Variants in HECW1 observed in about 807,000 individuals in gnomAD.
The protein encoded by HECW1 is E3 ubiquitin-protein ligase HECW1.
A neutral mutation model predicts 182.3 loss-of-function variants in HECW1; 61 were observed. That is an observed-to-expected ratio of 0.33 (90% CI 0.27 to 0.41). The LOEUF (loss-of-function observed/expected upper bound fraction) is 0.41, where lower values mean the gene tolerates loss of function less well. Among genes scored for constraint, HECW1 ranks in the 10% least tolerant of loss-of-function variants. The probability of loss-of-function intolerance (pLI) is 1.00; values close to 1 mark genes in which losing one functional copy is unlikely to be tolerated. For missense variants in HECW1, 1,739 were observed against 2,108.9 expected, an observed-to-expected ratio of 0.82 and a Z score of 3.44; for synonymous variants, 859 against 832.6, an observed-to-expected ratio of 1.03 and a Z score of -0.55.
intron 8 of HECW1, among the ~76,000 whole-genome samples, chr7:43,410,810 T>C (rs2075776173): frequency 6.6e-6 from 1 of 152,188 alleles, no homozygotes; most frequent in Admixed American, 6.5e-5. Flanking sequence ...CAAAGTATTG[T>C]TTTATTGTCT....
At chr7:43,120,772 T>G (rs989738867) in intron 2 of HECW1, among the ~76,000 whole-genome samples, 1 of 152,106 alleles carries the variant, frequency 6.6e-6, no homozygotes, top group African/African-American at 2.4e-5. Flanking sequence ...GCCTCCTGAG[T>G]AGCTGGGACT....
chr7:43,218,998 A>G (rs1346118765), intron 2 of HECW1, among the ~76,000 whole-genome samples: 3 of 152,168 alleles, frequency 2.0e-5, no homozygotes, highest in African/African-American at 7.2e-5. Context: ...GTATATAAAC[A>G]GGCTGGAGGA....
At chr7:43,394,800 G>C (rs2075168729) in intron 6 of HECW1, among the ~76,000 whole-genome samples, 1 of 152,190 alleles carries the variant, frequency 6.6e-6, no homozygotes. Context: ...AATTCATGCA[G>C]AGCCGGCTGT....
At chr7:43,456,513 C>T in intron 13 of HECW1, 66 bp downstream of exon 13, 2 of 1,499,450 alleles carry the variant, frequency 1.3e-6, no homozygotes, top group Non-Finnish European at 1.8e-6. Context: ...GCTAGAGACG[C>T]TCCCCTTACA....
At chr7:43,144,906 C>G (rs1260154916) in intron 2 of HECW1, among the ~76,000 whole-genome samples, 1 of 152,160 alleles carries the variant, frequency 6.6e-6, no homozygotes, top group Non-Finnish European at 1.5e-5. Flanking sequence ...ATCTATCAAC[C>G]TTTTACATTC....
chr7:43,396,102 CA>C (rs1376094453), intron 6 of HECW1, among the ~76,000 whole-genome samples: 6 of 152,160 alleles, frequency 3.9e-5, no homozygotes, highest in African/African-American at 1.4e-4. Flanking sequence ...TTCAAATACT[CA>C]AAATCATTTC....
At chr7:43,479,462 G>T in intron 16 of HECW1, 148 bp from the exon 17 acceptor site, 1 of 962,436 alleles carries the variant, frequency 1.0e-6, no homozygotes, top group South Asian at 1.6e-5. Context: ...GATGAGTTTT[G>T]AGTAGATTAA....
intron 21 of HECW1, 137 bp from the exon 22 acceptor site, chr7:43,507,000 G>A: frequency 2.0e-6 from 2 of 1,009,474 alleles, no homozygotes; most frequent in East Asian, 6.3e-5. Context: ...AACCCAGGAG[G>A]TGGAAGTTGC....
chr7:43,330,297 G>A (rs927430038), intron 5 of HECW1, among the ~76,000 whole-genome samples: 6 of 152,316 alleles, frequency 3.9e-5, no homozygotes, highest in East Asian at 1.9e-4. Context: ...AGCTGTGTTC[G>A]GGGCTGTGTG....
intron 5 of HECW1, among the ~76,000 whole-genome samples, chr7:43,337,861 G>C (rs1326288750): frequency 6.6e-6 from 1 of 152,176 alleles, no homozygotes; most frequent in East Asian, 1.9e-4. Context: ...TGCATTTGCA[G>C]TGTCAGGGGC....
At chr7:43,534,605 T>A (rs1191168934) in intron 24 of HECW1, among the ~76,000 whole-genome samples, 2 of 152,366 alleles carry the variant, frequency 1.3e-5, no homozygotes, top group East Asian at 3.9e-4. Flanking sequence ...ATTAACCTAG[T>A]CAAACAGGGT....
chr7:43,373,694 T>C (rs968027183), intron 6 of HECW1, among the ~76,000 whole-genome samples: 1 of 152,114 alleles, frequency 6.6e-6, no homozygotes, highest in African/African-American at 2.4e-5. Flanking sequence ...TCAGTGACAC[T>C]GTGTGCATTC....
chr7:43,469,261 G>C (rs1585005087), intron 16 of HECW1, among the ~76,000 whole-genome samples, 156 bp downstream of exon 16: 1 of 152,160 alleles, frequency 6.6e-6, no homozygotes, highest in Admixed American at 6.5e-5. Context: ...ACCCACATCT[G>C]GGTTTCTCAA....
chr7:43,172,918 C>T (rs1261015867), intron 2 of HECW1, among the ~76,000 whole-genome samples: 4 of 152,202 alleles, frequency 2.6e-5, no homozygotes, highest in African/African-American at 4.8e-5. Context: ...TAGACCATTT[C>T]ACATTCGTTT....
At chr7:43,524,559 C>T (rs1162717767) in intron 24 of HECW1, among the ~76,000 whole-genome samples, 1 of 152,208 alleles carries the variant, frequency 6.6e-6, no homozygotes, top group Non-Finnish European at 1.5e-5. Flanking sequence ...AAGTACTTTT[C>T]ATCTTCAAAG....
rs1209175575 is a variant in HECW1, at chr7:43,339,287, GTACTT to G, written c.460+18547_460+18551del. 7.9e-5 allele frequency among the ~76,000 whole-genome samples: 12 copies of G among 151,962 alleles called. No homozygotes were observed. In the South Asian group the frequency reaches 1.0e-3, roughly 13 times the overall value. ...TGTCCCTCTGTTCCTTTTTCTCTAT[GTACTT>G]TCTCCCCTTTCTTTCCTCTACCTTC... On this transcript the variant is annotated intron_variant, in intron 5 of 29. Coordinates refer to ENST00000395891, the MANE Select transcript of HECW1 (RefSeq NM_015052.5).
intron 2 of HECW1, among the ~76,000 whole-genome samples, chr7:43,228,471 A>G (rs1245198158): frequency 6.6e-6 from 1 of 152,262 alleles, no homozygotes; most frequent in Non-Finnish European, 1.5e-5. Flanking sequence ...GGCTAAGAGA[A>G]GGTTGAAAAT....
intron 3 of HECW1, among the ~76,000 whole-genome samples, chr7:43,253,130 T>TA (rs759995754): frequency 3.2e-3 from 410 of 129,310 alleles, no homozygotes; most frequent in African/African-American, 0.011. Flanking sequence ...ATCCGCACTT[T>TA]AAAAAAAAAA....
intron 5 of HECW1, among the ~76,000 whole-genome samples, chr7:43,343,377 G>A (rs554446388): frequency 3.3e-5 from 5 of 151,338 alleles, no homozygotes; most frequent in South Asian, 4.2e-4. Context: ...CCATCAACTC[G>A]TCATTTACAT....
Sources: gnomAD v4.1 joint callset for allele counts (sites outside exome capture counted in the v4.1 genomes callset) on GRCh38, gnomAD v4.1.1 for gene constraint, MANE v1.5 for transcripts, NCBI Gene and HGNC (gene_info 2026-07-23, HGNC 2026-07-21) for gene names.